The following EPHA7 variants were observed in gnomAD, a reference collection of about 807,000 sequenced individuals.
EPHA7 encodes EPH receptor A7, also known as ephrin type-A receptor 7.
EPHA7 carries 25 observed loss-of-function variants against 112.6 expected under a neutral mutation model. The ratio of observed to expected loss-of-function variants is 0.22; its 90% CI spans 0.16 to 0.31. EPHA7 has a LOEUF of 0.31. EPHA7 is among the 10% of genes least tolerant of loss of function. The pLI is 1.00. For missense variants in EPHA7, 962 were observed against 1,212.6 expected, an observed-to-expected ratio of 0.79 and a Z score of 3.07; for synonymous variants, 437 against 406.5, an observed-to-expected ratio of 1.07 and a Z score of -0.90.
chr6:93,243,386 C>T lies in EPHA7; in HGVS notation c.*40G>A. 1.3e-6 allele frequency: 2 copies of T among 1,481,890 alleles called. No individual in the cohort carries two copies. The highest frequency in any genetic ancestry group is 1.7e-4 in the Middle Eastern group (1 of 5,818). 91.8% of individuals were successfully genotyped at this position (1,481,890 alleles called of 1,614,324 possible). A position where few individuals can be genotyped will look rare whatever the true frequency, so the allele number is the denominator to read the frequency against. On this transcript the variant is annotated 3_prime_UTR_variant, in exon 17 of 17. Transcript: ENST00000369303. The stretch of plus-strand genomic sequence containing the variant: ...ATATACTGAAGGCCAGTACTGTTCT[C>T]TTGCAGTCTGTAATCTCCCTTAAAA...
chr6:93,321,066 T>C (rs545669085), intron 5 of EPHA7, among the ~76,000 whole-genome samples: 1 of 152,078 alleles, frequency 6.6e-6, no homozygotes, highest in Non-Finnish European at 1.5e-5. Context: ...ATACAATTCA[T>C]ACCCTTGAGA....
chr6:93,395,110 C>T (rs1047085761), intron 3 of EPHA7, among the ~76,000 whole-genome samples: 1 of 151,496 alleles, frequency 6.6e-6, no homozygotes, highest in African/African-American at 2.4e-5. Flanking sequence ...CCTTAGTAAG[C>T]AAAACATGAA....
Position 93,416,959 on chromosome 6 carries a change from G to C in EPHA7, c.98-2192C>G, listed in dbSNP as rs553394412. Reference sequence around the variant, plus strand: ...TCCATTACGCCTCTGCCAGACCTGGGCACTCCAGGGAGCCGGTGGCGCCCT... The same window carrying C: ...TCCATTACGCCTCTGCCAGACCTGGCCACTCCAGGGAGCCGGTGGCGCCCT... On this transcript the variant is annotated intron_variant, in intron 1 of 16. Transcript: ENST00000369303. Among the ~76,000 whole-genome samples, 6 of 152,302 alleles carry C rather than the reference G, an allele frequency of 3.9e-5. No individual in the cohort carries two copies. In the East Asian group the frequency reaches 1.2e-3, roughly 30 times the overall value.
At chr6:93,370,116 C>T (rs749835905) in intron 3 of EPHA7, among the ~76,000 whole-genome samples, 10 of 152,000 alleles carry the variant, frequency 6.6e-5, no homozygotes, top group Non-Finnish European at 1.0e-4. Context: ...AAAAAGTATA[C>T]GAATGAAATT....
intron 5 of EPHA7, among the ~76,000 whole-genome samples, chr6:93,279,429 A>G (rs914112730): frequency 5.3e-5 from 8 of 152,100 alleles, no homozygotes; most frequent in Non-Finnish European, 1.5e-5. Flanking sequence ...TTATGATCCA[A>G]TGAAACTGCT....
At chr6:93,367,822 C>T (rs1776592151) in intron 3 of EPHA7, among the ~76,000 whole-genome samples, 1 of 152,090 alleles carries the variant, frequency 6.6e-6, no homozygotes, top group African/African-American at 2.4e-5. Context: ...ATAGACTAAG[C>T]ACTCAATAAT....
chr6:93,399,452 A>G (rs1237464431), intron 3 of EPHA7, among the ~76,000 whole-genome samples: 1 of 152,094 alleles, frequency 6.6e-6, no homozygotes, highest in Non-Finnish European at 1.5e-5. Context: ...TTATTTTATT[A>G]TTTTTAAAAT....
chr6:93,311,407 C>T (rs903634885), intron 5 of EPHA7, among the ~76,000 whole-genome samples: 1 of 152,142 alleles, frequency 6.6e-6, no homozygotes, highest in African/African-American at 2.4e-5. Context: ...CAAAGAGTCT[C>T]CATGAAGACA....
chr6:93,412,683 C>G (rs9445103), intron 2 of EPHA7, among the ~76,000 whole-genome samples: 5,553 of 152,072 alleles, frequency 0.037, 342 homozygotes, highest in African/African-American at 0.13. Context: ...ATTTGGATGG[C>G]TAGATTTCAG....
rs746817774 is a variant in EPHA7, at chr6:93,245,470, C to T, written c.2727-17G>A. 6.2e-7 allele frequency: 1 copy of T among 1,600,648 alleles called. No homozygotes were observed. The highest frequency in any genetic ancestry group is 8.5e-7 in the Non-Finnish European group (1 of 1,175,980). Reference sequence around the variant, plus strand: ...CTTATTGGCCTAGATAAAAATGAAACAGAAAAGCGAACATTATCCTGAAAT... The same window carrying T: ...CTTATTGGCCTAGATAAAAATGAAATAGAAAAGCGAACATTATCCTGAAAT... On this transcript the variant is annotated splice_polypyrimidine_tract_variant and intron_variant, in intron 15 of 16. Transcript: ENST00000369303.
chr6:93,299,280 C>T (rs937150655), intron 5 of EPHA7, among the ~76,000 whole-genome samples: 1 of 151,104 alleles, frequency 6.6e-6, no homozygotes, highest in Non-Finnish European at 1.5e-5. Context: ...GAGCCGAGAT[C>T]GCGCCACTGC....
At chr6:93,411,766 A>C (rs1778987453) in intron 2 of EPHA7, among the ~76,000 whole-genome samples, 1 of 152,164 alleles carries the variant, frequency 6.6e-6, no homozygotes, top group African/African-American at 2.4e-5. Context: ...TATATATAAT[A>C]TCACATACAA....
chr6:93,348,627 T>C (rs945488869), intron 5 of EPHA7, among the ~76,000 whole-genome samples: 1 of 151,854 alleles, frequency 6.6e-6, no homozygotes, highest in Non-Finnish European at 1.5e-5. Flanking sequence ...TTTAAATATA[T>C]TTACAGTTTT....
intron 3 of EPHA7, among the ~76,000 whole-genome samples, chr6:93,399,767 G>A (rs2127988229): frequency 6.6e-6 from 1 of 152,052 alleles, no homozygotes; most frequent in Non-Finnish European, 1.5e-5. Flanking sequence ...TTATGTGTGT[G>A]TACTGGCAAA....
At chr6:93,332,148 A>G (rs1327873596) in intron 5 of EPHA7, among the ~76,000 whole-genome samples, 3 of 151,668 alleles carry the variant, frequency 2.0e-5, no homozygotes, top group African/African-American at 7.2e-5. Flanking sequence ...AAGTGTATTT[A>G]CAGTGAAGCT....
At chr6:93,345,524 A>G (rs1157138173) in intron 5 of EPHA7, among the ~76,000 whole-genome samples, 1 of 151,700 alleles carries the variant, frequency 6.6e-6, no homozygotes, top group African/African-American at 2.4e-5. Flanking sequence ...TTAAGGCTGC[A>G]GCAATTATCT....
At position 93,246,893 on chromosome 6, in the gene EPHA7, C is replaced by T. The variant is rs374483308; in HGVS notation, c.2625G>A (p.Lys875=). The change falls in exon 15 of 17, where the codon AAG becomes AAA. Residue 875 remains lysine, a synonymous_variant. Transcript: ENST00000369303. ...CAAATTTTGGCCTTTCAGCACGCTCCTTTTGCCAACAATCCAACATTAGCT... is the reference window on the plus strand; with the variant it reads ...CAAATTTTGGCCTTTCAGCACGCTCTTTTTGCCAACAATCCAACATTAGCT... ...LHQLMLDCWQ[K]ERAERPKFEQ... 6.2e-7 allele frequency: 1 copy of T among 1,613,928 alleles called. No homozygotes were observed. Among genetic ancestry groups the T allele is most frequent in the Non-Finnish European group, 8.5e-7 (1 of 1,179,836 alleles).
Position 93,381,503 on chromosome 6 carries a change from T to C in EPHA7, c.833-23092A>G, listed in dbSNP as rs556155361. On this transcript the variant is annotated intron_variant, in intron 3 of 16. Coordinates refer to ENST00000369303, the MANE Select transcript of EPHA7 (RefSeq NM_004440.4). ...AACTAGGATTTTTTGAGTTATTCTA[T>C]AGACCAAATAAGCTGCTACTTTTGG... Among the ~76,000 whole-genome samples, 269 of 152,310 alleles carry C rather than the reference T, an allele frequency of 1.8e-3. 3 individuals are homozygous for C. Among genetic ancestry groups the C allele is most frequent in the African/African-American group, 6.3e-3 (261 of 41,594 alleles).
chr6:93,395,612 CAT>C (rs1491030310), intron 3 of EPHA7, among the ~76,000 whole-genome samples: 2 of 148,504 alleles, frequency 1.3e-5, no homozygotes, highest in African/African-American at 4.9e-5. Context: ...CACACACACA[CAT>C]CTGTCCGTCA....
Sources: allele counts gnomAD v4.1 joint callset (sites outside exome capture counted in the v4.1 genomes callset), GRCh38; gene constraint gnomAD v4.1.1; transcripts MANE v1.5; gene names NCBI Gene and HGNC (gene_info 2026-07-23, HGNC 2026-07-21).